MAST4: variants seen among roughly 807,000 people sequenced by gnomAD.
MAST4 encodes microtubule-associated serine/threonine-protein kinase 4.
In MAST4, 89 loss-of-function variants were observed where a neutral mutation model predicts 162.7. The observed-to-expected ratio is 0.55, with a 90% CI of 0.46 to 0.65. The LOEUF is 0.65. MAST4 is among the 30% of genes least tolerant of loss of function. MAST4 has a pLI of 0.00. For synonymous variants in MAST4, 1,479 were observed against 1,361.1 expected (o/e 1.09, Z -1.91); for missense variants, 3,153 against 3,374.0 (o/e 0.93, Z 1.62).
intron 1 of MAST4, among the ~76,000 whole-genome samples, chr5:66,640,274 T>C (rs1269578672): frequency 6.6e-6 from 1 of 152,204 alleles, no homozygotes; most frequent in Non-Finnish European, 1.5e-5. Context: ...TATTCCACTA[T>C]TTGTGTAGAT....
intron 1 of MAST4, among the ~76,000 whole-genome samples, chr5:66,679,697 T>G (rs1748202394): frequency 6.6e-6 from 1 of 152,066 alleles, no homozygotes; most frequent in African/African-American, 2.4e-5. Flanking sequence ...AGTTGTTGGC[T>G]TCTCGGTGAG....
At chr5:67,069,210 T>A (rs1484153944) in intron 5 of MAST4, among the ~76,000 whole-genome samples, 1 of 150,600 alleles carries the variant, frequency 6.6e-6, no homozygotes, top group Non-Finnish European at 1.5e-5. Flanking sequence ...TATCATGGTC[T>A]GCTAACAATC....
At chr5:66,808,814 C>T (rs571938172) in intron 3 of MAST4, among the ~76,000 whole-genome samples, 2 of 152,294 alleles carry the variant, frequency 1.3e-5, no homozygotes, top group South Asian at 4.1e-4. Flanking sequence ...GTGATTTAAA[C>T]AAAATCTGGA....
intron 4 of MAST4, among the ~76,000 whole-genome samples, chr5:66,958,117 CTCTT>C (rs1165100213): frequency 6.6e-6 from 1 of 151,430 alleles, no homozygotes; most frequent in Non-Finnish European, 1.5e-5. Flanking sequence ...CTCTCTCTCT[CTCTT>C]TGTGTGTGTG....
intron 10 of MAST4, among the ~76,000 whole-genome samples, chr5:67,106,518 A>G (rs1467455250): frequency 1.6e-4 from 24 of 152,072 alleles, no homozygotes; most frequent in Admixed American, 1.6e-3. Context: ...TACTTCCTAA[A>G]TATTTCTACA....
At chr5:66,926,913 G>A (rs931074459) in intron 4 of MAST4, among the ~76,000 whole-genome samples, 1 of 152,136 alleles carries the variant, frequency 6.6e-6, no homozygotes, top group African/African-American at 2.4e-5. Flanking sequence ...AGGGGAGAGA[G>A]GGAAACTGAG....
chr5:67,113,582 A>T (rs1243695469), intron 11 of MAST4, among the ~76,000 whole-genome samples: 1 of 152,214 alleles, frequency 6.6e-6, no homozygotes, highest in East Asian at 1.9e-4. Flanking sequence ...CTAATAAAAA[A>T]TGGTAACGTT....
At chr5:66,872,894 C>T (rs1439240799) in intron 3 of MAST4, among the ~76,000 whole-genome samples, 1 of 152,158 alleles carries the variant, frequency 6.6e-6, no homozygotes, top group Non-Finnish European at 1.5e-5. Context: ...GCTTTTGTTC[C>T]CCCTCTTTCT....
At chr5:67,012,771 G>C (rs1450072252) in intron 4 of MAST4, among the ~76,000 whole-genome samples, 1 of 152,166 alleles carries the variant, frequency 6.6e-6, no homozygotes, top group Non-Finnish European at 1.5e-5. Context: ...CTAGGAACTT[G>C]GTTGTAAATT....
Position 66,596,402 on chromosome 5 carries a change from C to G in MAST4, c.-254C>G, listed in dbSNP as rs977048566. 5.2e-6 allele frequency: 2 copies of G among 386,378 alleles called. No homozygotes were observed. Among genetic ancestry groups the G allele is most frequent in the Admixed American group, 4.6e-5 (1 of 21,918 alleles). 23.9% of individuals were successfully genotyped at this position (386,378 alleles called of 1,614,324 possible). On this transcript the variant is annotated 5_prime_UTR_variant, in exon 1 of 29. Coordinates refer to ENST00000403625, the MANE Select transcript of MAST4 (RefSeq NM_001164664.2). ...GGTGCAGCGCGGGAGCACAGTGGAGCGCAGATCGCGGACCCGAGCGGGCAT... is the reference window on the plus strand; with the variant it reads ...GGTGCAGCGCGGGAGCACAGTGGAGGGCAGATCGCGGACCCGAGCGGGCAT...
intron 12 of MAST4, among the ~76,000 whole-genome samples, chr5:67,117,882 TAGTC>T (rs1335294374): frequency 2.0e-4 from 31 of 152,272 alleles, no homozygotes; most frequent in Non-Finnish European, 2.9e-4. Flanking sequence ...TTTAACTAAA[TAGTC>T]AGGGTAGTAC....
At chr5:66,773,436 C>T (rs1458823620) in intron 2 of MAST4, among the ~76,000 whole-genome samples, 1 of 152,130 alleles carries the variant, frequency 6.6e-6, no homozygotes, top group Non-Finnish European at 1.5e-5. Context: ...GAGGGTAAGT[C>T]CCCTCCTTGC....
chr5:66,974,211 T>C (rs150193774), intron 4 of MAST4, among the ~76,000 whole-genome samples: 295 of 152,344 alleles, frequency 1.9e-3, no homozygotes, highest in Middle Eastern at 0.01. Context: ...TATTTATTTG[T>C]TTATTTATCC....
intron 4 of MAST4, among the ~76,000 whole-genome samples, chr5:66,914,244 T>G (rs1422716819): frequency 6.6e-6 from 1 of 152,124 alleles, no homozygotes; most frequent in Non-Finnish European, 1.5e-5. Context: ...AATTCTAGTC[T>G]AAGAGATGGA....
At chr5:66,876,630 C>T (rs1051747562) in intron 3 of MAST4, among the ~76,000 whole-genome samples, 4 of 152,082 alleles carry the variant, frequency 2.6e-5, no homozygotes, top group Non-Finnish European at 4.4e-5. Context: ...GAAGCCACTC[C>T]GTAGAGTGAT....
intron 4 of MAST4, among the ~76,000 whole-genome samples, chr5:67,009,576 T>G (rs1389941899): frequency 1.3e-5 from 2 of 152,240 alleles, no homozygotes; most frequent in South Asian, 2.1e-4. Context: ...TTGTAAAGAT[T>G]AAAATGCATT....
chr5:67,152,661 G>A lies in MAST4; in HGVS notation c.3320G>A (p.Gly1107Glu). The A allele has an allele frequency of 1.9e-6, 3 of 1,614,032 alleles. No individual in the cohort carries two copies. The highest frequency in any genetic ancestry group is 2.5e-6 in the Non-Finnish European group (3 of 1,179,880). Residue 1107 changes from glycine to glutamate, a missense_variant, in exon 25 of 29, where the codon GGA (glycine) becomes GAA (glutamate). Around this residue, in one of 7 missense-constraint regions of MAST4, gnomAD observed 619 missense variants for 744.2 expected, o/e 0.83. Coordinates refer to ENST00000403625, the MANE Select transcript of MAST4 (RefSeq NM_001164664.2). ...PGDMFAVSPL[G>E]SPMSPHSLSS... ...GATATGTTTGCTGTTTCCCCTCTGG[G>A]AAGTCCAATGTCTCCCCATTCCCTG...
At chr5:66,806,420 T>C (rs554451664) in intron 3 of MAST4, among the ~76,000 whole-genome samples, 1 of 152,350 alleles carries the variant, frequency 6.6e-6, no homozygotes, top group South Asian at 2.1e-4. Context: ...CTGTGGAATG[T>C]CACACACTTG....
At chr5:67,001,905 T>A (rs181476302) in intron 4 of MAST4, 27 of 152,370 alleles carry the variant, frequency 1.8e-4, no homozygotes, top group African/African-American at 6.0e-4. Flanking sequence ...TGTATTCAAC[T>A]ACTGCTTGTT....
Sources: gnomAD v4.1 joint callset for allele counts (sites outside exome capture counted in the v4.1 genomes callset) on GRCh38, gnomAD v4.1.1 for gene constraint, gnomAD v4.1.1 regional missense constraint, MANE v1.5 for transcripts, NCBI Gene and HGNC (gene_info 2026-07-23, HGNC 2026-07-21) for gene names.